The following PTPRA variants were observed in gnomAD, a reference collection of about 807,000 sequenced individuals.
PTPRA encodes the protein receptor-type tyrosine-protein phosphatase alpha.
Under a neutral mutation model 104.8 loss-of-function variants are expected in PTPRA, and 25 were observed. The ratio of observed to expected loss-of-function variants is 0.24; its 90% CI spans 0.17 to 0.33. PTPRA has a LOEUF of 0.33. Ranked by LOEUF, PTPRA falls within the 10% of genes least tolerant of loss-of-function variation. The pLI, the probability that PTPRA is intolerant of heterozygous loss-of-function variation, is 1.00. For synonymous variants in PTPRA, 323 were observed against 368.9 expected, an observed-to-expected ratio of 0.88 and a Z score of 1.43; for missense variants, 765 against 1,015.3, an observed-to-expected ratio of 0.75 and a Z score of 3.35.
chr20:2,975,849 G>A (rs2062411318), intron 6 of PTPRA, among the ~76,000 whole-genome samples: 1 of 152,194 alleles, frequency 6.6e-6, no homozygotes, highest in South Asian at 2.1e-4. Context: ...GAAAGAGAAA[G>A]AGATCATCTA....
rs117889536 is a variant in PTPRA at position 2,887,029 on chromosome 20, T to C, written c.-129+13269T>C. On this transcript the variant is annotated intron_variant, in intron 1 of 23. Transcript: ENST00000399903. The stretch of plus-strand genomic sequence containing the variant: ...TATCACAGTTTAGTAAACACAGCCA[T>C]AGTGCTTCTTCCTTTGGATTCATGT... Among the ~76,000 whole-genome samples, 953 of 152,292 alleles carry C rather than the reference T, an allele frequency of 6.3e-3. 33 individuals carry two copies. In the East Asian group the frequency reaches 0.08, roughly 13 times the overall value.
At chr20:2,935,209 T>G (rs1380346587) in intron 2 of PTPRA, among the ~76,000 whole-genome samples, 1 of 152,168 alleles carries the variant, frequency 6.6e-6, no homozygotes, top group Non-Finnish European at 1.5e-5. Flanking sequence ...GAATTCAACT[T>G]TTTACATTCC....
At chr20:3,014,304 G>A (rs2064327519) in intron 11 of PTPRA, among the ~76,000 whole-genome samples, 1 of 152,108 alleles carries the variant, frequency 6.6e-6, no homozygotes, top group Non-Finnish European at 1.5e-5. Context: ...TCTGTGTTGG[G>A]CAGCAACCCT....
At chr20:2,909,774 T>G (rs1448440558) in intron 1 of PTPRA, among the ~76,000 whole-genome samples, 1 of 136,984 alleles carries the variant, frequency 7.3e-6, no homozygotes, top group Non-Finnish European at 1.5e-5. Flanking sequence ...ATATATATTA[T>G]AAGATAATAT....
intron 6 of PTPRA, among the ~76,000 whole-genome samples, chr20:2,976,181 C>A (rs1191540485): frequency 6.6e-6 from 1 of 152,216 alleles, no homozygotes; most frequent in African/African-American, 2.4e-5. Flanking sequence ...CCACCTCTCA[C>A]TTTCCTAAAC....
intron 10 of PTPRA, 143 bp downstream of exon 10, chr20:3,005,289 C>T: frequency 1.3e-6 from 1 of 787,540 alleles, no homozygotes. Flanking sequence ...TGGCTCATAC[C>T]TGTAATCCCA....
intron 6 of PTPRA, among the ~76,000 whole-genome samples, chr20:2,985,038 G>A (rs1456018172): frequency 6.6e-6 from 1 of 152,108 alleles, no homozygotes; most frequent in Non-Finnish European, 1.5e-5. Flanking sequence ...CCACAGAATG[G>A]AAGCTTTCTA....
intron 1 of PTPRA, among the ~76,000 whole-genome samples, chr20:2,881,313 A>G (rs1321011023): frequency 6.7e-6 from 1 of 148,366 alleles, no homozygotes; most frequent in Non-Finnish European, 1.5e-5. Context: ...TCTGTCTCCA[A>G]AAAAAAAAAA....
At chr20:3,013,687 A>T (rs1381188016) in intron 11 of PTPRA, among the ~76,000 whole-genome samples, 1 of 152,118 alleles carries the variant, frequency 6.6e-6, no homozygotes, top group Non-Finnish European at 1.5e-5. Flanking sequence ...TTGGGATTAG[A>T]GGCATGAGCC....
chr20:3,030,121 G>A (rs2065359631), intron 20 of PTPRA, among the ~76,000 whole-genome samples: 1 of 152,216 alleles, frequency 6.6e-6, no homozygotes, highest in South Asian at 2.1e-4. Context: ...GGACCATCTC[G>A]GCCCACTGCC....
At chr20:3,003,043 A>T (rs1405411531) in intron 9 of PTPRA, among the ~76,000 whole-genome samples, 1 of 152,158 alleles carries the variant, frequency 6.6e-6, no homozygotes, top group Non-Finnish European at 1.5e-5. Flanking sequence ...CCTCAGAGAG[A>T]CCCACCTGTA....
In PTPRA at chr20:3,038,197, T is replaced by C; in HGVS notation, c.*64T>C. ...AATATTTTGTAATATTCTGTTTTGT[T>C]AATATACCCCAAATTGTGTATATAT... On this transcript the variant is annotated 3_prime_UTR_variant, in exon 24 of 24. Coordinates refer to ENST00000399903, the MANE Select transcript of PTPRA (RefSeq NM_001385305.1). 1 of 1,443,966 alleles carries C rather than the reference T, an allele frequency of 6.9e-7. No individual in the cohort carries two copies. The allele number at this position is 1,443,966 out of a possible 1,614,324, so 89.4% of individuals were successfully genotyped here.
At chr20:2,995,616 T>C (rs1230715712) in intron 9 of PTPRA, among the ~76,000 whole-genome samples, 2 of 152,318 alleles carry the variant, frequency 1.3e-5, no homozygotes, top group Admixed American at 6.5e-5. Context: ...TTCTGTTGTC[T>C]CACTTAAAGC....
At position 3,037,930 on chromosome 20, in the gene PTPRA, G is replaced by C; in HGVS notation, c.2335-129G>C. The C allele has an allele frequency of 1.3e-6, 1 of 771,862 alleles. No homozygotes were observed. Among genetic ancestry groups the C allele is most frequent in the South Asian group, 1.7e-5 (1 of 58,426 alleles). The allele number at this position is 771,862 out of a possible 1,614,324, so 47.8% of individuals were successfully genotyped here. ...ACTCTGGCAGGCAGATCAGAGCTCA[G>C]GTGAAAGTTCAAAAACATTCAGTTC... On this transcript the variant is annotated intron_variant, in intron 23 of 23. Coordinates refer to ENST00000399903, the MANE Select transcript of PTPRA (RefSeq NM_001385305.1). The surrounding 1 kb of genome is among the most constrained non-coding windows in gnomAD (Gnocchi z 4.3).
intron 6 of PTPRA, among the ~76,000 whole-genome samples, chr20:2,977,752 A>G (rs2148047697): frequency 7.0e-6 from 1 of 142,402 alleles, no homozygotes; most frequent in South Asian, 2.1e-4. Context: ...CCTATTAAGC[A>G]TCAAGGAGTC....
intron 11 of PTPRA, among the ~76,000 whole-genome samples, chr20:3,015,438 G>A (rs2064391761): frequency 6.6e-6 from 1 of 151,522 alleles, no homozygotes; most frequent in Non-Finnish European, 1.5e-5. Context: ...CACCCTAGTA[G>A]CTGGAATTAC....
At chr20:2,916,582 G>A (rs1004180397) in intron 1 of PTPRA, among the ~76,000 whole-genome samples, 3 of 152,198 alleles carry the variant, frequency 2.0e-5, no homozygotes, top group African/African-American at 7.2e-5. Context: ...AGCCAGCCAT[G>A]GTGGTGTGTG....
chr20:2,925,602 T>C (rs964663070), intron 2 of PTPRA, among the ~76,000 whole-genome samples: 1 of 152,070 alleles, frequency 6.6e-6, no homozygotes, highest in Non-Finnish European at 1.5e-5. Flanking sequence ...TCACTTGAGG[T>C]CAGGAGTTCA....
At chr20:2,944,454 G>T (rs554704398) in intron 2 of PTPRA, among the ~76,000 whole-genome samples, 2 of 152,228 alleles carry the variant, frequency 1.3e-5, no homozygotes, top group South Asian at 4.1e-4. Context: ...TTGTTGATTG[G>T]GCCTCTCTCT....
Sources: allele counts gnomAD v4.1 joint callset (sites outside exome capture counted in the v4.1 genomes callset), GRCh38; gene constraint gnomAD v4.1.1; non-coding constraint Gnocchi (gnomAD v3.1); transcripts MANE v1.5; gene names NCBI Gene and HGNC (gene_info 2026-07-23, HGNC 2026-07-21).